The following DOCK11 variants were observed in gnomAD, a reference collection of about 807,000 sequenced individuals.
The protein encoded by DOCK11 is dedicator of cytokinesis 11, also known as dedicator of cytokinesis protein 11.
DOCK11 carries 70 observed loss-of-function variants against 169.1 expected under a neutral mutation model. That is an observed-to-expected ratio of 0.41 (90% confidence interval 0.34 to 0.51). The LOEUF (loss-of-function observed/expected upper bound fraction) is 0.51. Among genes scored for constraint, DOCK11 ranks in the 20% least tolerant of loss-of-function variants. The pLI, the probability that DOCK11 is intolerant of heterozygous loss-of-function variation, is 0.10. For missense variants in DOCK11, 1,166 were observed against 1,538.8 expected (o/e 0.76, Z 4.05); for synonymous variants, 529 against 541.3 (o/e 0.98, Z 0.32).
Position 118,585,036 on chromosome X carries a change from C to T in DOCK11, c.1719-5C>T. The T allele has an allele frequency of 6.6e-6, 8 of 1,203,940 alleles. No individual in the cohort carries two copies. The highest frequency in any genetic ancestry group is 9.0e-6 in the Non-Finnish European group (8 of 889,072). The stretch of plus-strand genomic sequence containing the variant: ...AACTCTAAAATATTATTATTTTATA[C>T]CCAGGCCAGAAAAGACCAAACTGCA... On this transcript the variant is annotated splice_region_variant and splice_polypyrimidine_tract_variant and intron_variant, in intron 15 of 52. Transcript: ENST00000276202.
intron 16 of DOCK11, among the ~76,000 whole-genome samples, chrX:118,587,225 T>C (rs2013843511): frequency 8.9e-6 from 1 of 111,784 alleles, no homozygotes; most frequent in Admixed American, 9.5e-5. Context: ...ATCAGATAAA[T>C]GTCGAAAAAT....
chrX:118,597,672 TC>T, intron 21 of DOCK11, 120 bp downstream of exon 21: 1 of 817,362 alleles, frequency 1.2e-6, no homozygotes, highest in Non-Finnish European at 1.7e-6. Context: ...CTGGTGCGGG[TC>T]CACAACAAAG....
At position 118,588,198 on chromosome X, in the gene DOCK11, T is replaced by A; in HGVS notation, c.1857T>A (p.Thr619=). 2 of 1,204,903 alleles carry A rather than the reference T, an allele frequency of 1.7e-6. No homozygotes were observed. Among genetic ancestry groups the A allele is most frequent in the Non-Finnish European group, 2.2e-6 (2 of 892,384 alleles). Residue 619 remains threonine (T), a synonymous_variant, in exon 17 of 53, where the codon ACT becomes ACA. Coordinates refer to ENST00000276202, the MANE Select transcript of DOCK11 (RefSeq NM_144658.4). ...TTGAAAAGAATTGCCAAAATATTAC[T>A]GTGGAGGTTGAAGAGTTTGTTCCAG... The part of the protein sequence containing the change: ...KPFEKNCQNI[T]VEVEEFVPEM...
intron 46 of DOCK11, among the ~76,000 whole-genome samples, chrX:118,672,909 C>G (rs773873737): frequency 8.9e-6 from 1 of 112,134 alleles, no homozygotes; most frequent in Non-Finnish European, 1.9e-5. Flanking sequence ...CTCTGCCATA[C>G]TTTTGGTGTA....
At position 118,641,308 on chromosome X, in the gene DOCK11, A is replaced by G; in HGVS notation, c.4260+3A>G. 1 of 1,137,005 alleles carries G rather than the reference A, an allele frequency of 8.8e-7. No individual in the cohort carries two copies. Among genetic ancestry groups the G allele is most frequent in the Non-Finnish European group, 1.2e-6 (1 of 829,931 alleles). 93.7% of individuals were successfully genotyped at this position (1,137,005 alleles called of 1,213,427 possible). A position where few individuals can be genotyped will look rare whatever the true frequency, so the allele number is the denominator to read the frequency against. ...CATTTTTCACTCAGTGCTTCAAGGT[A>G]AAAATGAAGAGTTATAATTCAGTTG... On this transcript the variant is annotated splice_donor_region_variant and intron_variant, in intron 39 of 52. Transcript: ENST00000276202.
intron 1 of DOCK11, among the ~76,000 whole-genome samples, chrX:118,528,221 C>T (rs1013963548): frequency 8.9e-6 from 1 of 112,263 alleles, no homozygotes; most frequent in African/African-American, 3.2e-5. Context: ...CCCAGTTGAT[C>T]CCAGGGCTTG....
intron 41 of DOCK11, among the ~76,000 whole-genome samples, chrX:118,650,289 T>G (rs904249648): frequency 5.3e-5 from 6 of 112,301 alleles, no homozygotes; most frequent in African/African-American, 1.6e-4. Context: ...ACAAGATAGA[T>G]ACTTCCTACA....
intron 22 of DOCK11, among the ~76,000 whole-genome samples, chrX:118,598,890 A>C (rs2014250486): frequency 8.9e-6 from 1 of 112,077 alleles, no homozygotes; most frequent in South Asian, 3.7e-4. Flanking sequence ...CATAGAACAC[A>C]CTAGTCAAAG....
chrX:118,674,077 A>G (rs2016550407), intron 46 of DOCK11, among the ~76,000 whole-genome samples: 1 of 112,068 alleles, frequency 8.9e-6, no homozygotes, highest in Admixed American at 9.5e-5. Context: ...CTTCTGGTCC[A>G]AAGCATTTCA....
chrX:118,674,720 T>G (rs988712115), intron 46 of DOCK11, among the ~76,000 whole-genome samples: 3 of 112,377 alleles, frequency 2.7e-5, no homozygotes, highest in African/African-American at 9.7e-5. Flanking sequence ...TAATTCTATG[T>G]TTAACTTTTT....
chrX:118,636,369 A>G lies in DOCK11; in HGVS notation c.3910A>G (p.Lys1304Glu). ...SEDTLLTYWN[K>E]VSPQELINIL... The stretch of plus-strand genomic sequence containing the variant: ...AGATACTCTCTTAACTTACTGGAAT[A>G]AAGTATCACCTCAGGAGCTCATAAA... The change falls in exon 36 of 53, where the codon AAA (lysine) becomes GAA (glutamate). Residue 1304 changes from lysine to glutamate, a missense_variant. Coordinates refer to ENST00000276202, the MANE Select transcript of DOCK11 (RefSeq NM_144658.4). The G allele has an allele frequency of 9.1e-7, 1 of 1,101,380 alleles. No individual in the cohort carries two copies. Among genetic ancestry groups the G allele is most frequent in the Non-Finnish European group, 1.2e-6 (1 of 812,673 alleles). The allele number at this position is 1,101,380 out of a possible 1,213,427, so 90.8% of individuals were successfully genotyped here.
chrX:118,643,197 T>A (rs1398920529), intron 39 of DOCK11, among the ~76,000 whole-genome samples: 3 of 111,792 alleles, frequency 2.7e-5, no homozygotes, highest in African/African-American at 9.8e-5. Flanking sequence ...ACTCTTCCCA[T>A]ACTAGTCCTG....
intron 6 of DOCK11, among the ~76,000 whole-genome samples, chrX:118,558,243 G>C (rs774825826): frequency 3.6e-5 from 4 of 110,565 alleles, no homozygotes; most frequent in Non-Finnish European, 7.6e-5. Context: ...AAAGTGTTGG[G>C]ATTAGAGGCA....
chrX:118,590,720 G>A (rs1004012496), intron 19 of DOCK11, among the ~76,000 whole-genome samples: 2 of 112,012 alleles, frequency 1.8e-5, no homozygotes, highest in African/African-American at 3.3e-5. Context: ...GTAGGGTGCA[G>A]CCTCTCTGTA....
In DOCK11 at chrX:118,497,425, A is replaced by C. The variant is rs185988699; in HGVS notation, c.102+1352A>C. ...TAAAGATCTGATCCCTAATAGCTAC[A>C]ACTGTGCAAACCTAAGTGACTTTAA... On this transcript the variant is annotated intron_variant, in intron 1 of 52. Transcript: ENST00000276202. Among the ~76,000 whole-genome samples the C allele has an allele frequency of 5.5e-3, 615 of 112,354 alleles. 1 individual carries two copies. The highest frequency in any genetic ancestry group is 9.6e-3 in the Non-Finnish European group (512 of 53,236).
intron 42 of DOCK11, among the ~76,000 whole-genome samples, chrX:118,652,816 G>A (rs1234970497): frequency 1.8e-5 from 2 of 112,354 alleles, no homozygotes; most frequent in Non-Finnish European, 3.8e-5. Context: ...CTTGGGAAAG[G>A]TCATCTTCCA....
chrX:118,671,974 C>T (rs12840461), intron 46 of DOCK11, among the ~76,000 whole-genome samples: 16,098 of 112,062 alleles, frequency 0.14, 848 homozygotes, highest in Middle Eastern at 0.23. Context: ...CCACTGTGAC[C>T]GGCCTGAAAA....
At chrX:118,683,295 A>G (rs1436549533) in intron 52 of DOCK11, 78 bp downstream of exon 52, 1 of 1,040,291 alleles carries the variant, frequency 9.6e-7, no homozygotes, top group Admixed American at 2.8e-5. Flanking sequence ...ATAATGGTTC[A>G]AAATGCACAA....
intron 30 of DOCK11, 117 bp from the exon 31 acceptor site, chrX:118,618,433 A>G (rs2014878776): frequency 5.4e-6 from 3 of 554,238 alleles, no homozygotes; most frequent in Non-Finnish European, 7.9e-6. Flanking sequence ...AATCATTAAT[A>G]ATAAAAATTA....
Sources: allele counts gnomAD v4.1 joint callset (sites outside exome capture counted in the v4.1 genomes callset), GRCh38; gene constraint gnomAD v4.1.1; transcripts MANE v1.5; gene names NCBI Gene and HGNC (gene_info 2026-07-23, HGNC 2026-07-21).